Variants in RIMS2 observed in about 807,000 individuals in gnomAD.
RIMS2 encodes the protein regulating synaptic membrane exocytosis protein 2.
Under a neutral mutation model 174.4 loss-of-function variants are expected in RIMS2, and 59 were observed. The ratio of observed to expected loss-of-function variants is 0.34; its 90% CI spans 0.27 to 0.42. The LOEUF (loss-of-function observed/expected upper bound fraction) is 0.42, where lower values mean the gene tolerates loss of function less well. RIMS2 is among the 10% of genes least tolerant of loss of function. RIMS2 has a pLI of 1.00. For missense variants in RIMS2, 1,620 were observed against 1,666.3 expected (o/e 0.97, Z 0.48); for synonymous variants, 606 against 572.5 (o/e 1.06, Z -0.84).
intron 3 of RIMS2, among the ~76,000 whole-genome samples, chr8:103,789,642 A>G (rs1278161344): frequency 6.6e-6 from 1 of 151,966 alleles, no homozygotes; most frequent in Non-Finnish European, 1.5e-5. Context: ...AATTCTGCTC[A>G]CTTCAGATTG....
chr8:104,189,669 GTC>G (rs1039253174), intron 19 of RIMS2, among the ~76,000 whole-genome samples: 14 of 148,500 alleles, frequency 9.4e-5, no homozygotes, highest in Admixed American at 4.1e-4. Flanking sequence ...TGTATATATA[GTC>G]TCTCTATATA....
At chr8:103,724,019 C>T (rs1239113949) in intron 2 of RIMS2, among the ~76,000 whole-genome samples, 3 of 152,056 alleles carry the variant, frequency 2.0e-5, no homozygotes, top group Non-Finnish European at 4.4e-5. Context: ...CTGGGGTACC[C>T]ACTGAAGTCA....
At chr8:103,903,737 C>T (rs2073755939) in intron 4 of RIMS2, among the ~76,000 whole-genome samples, 1 of 151,986 alleles carries the variant, frequency 6.6e-6, no homozygotes, top group Non-Finnish European at 1.5e-5. Context: ...AAGCATTGAC[C>T]CTTCTCTACA....
intron 3 of RIMS2, among the ~76,000 whole-genome samples, chr8:103,802,839 A>C (rs1362616220): frequency 6.6e-6 from 1 of 152,190 alleles, no homozygotes; most frequent in African/African-American, 2.4e-5. Context: ...AGGTCATACA[A>C]GGTCTAGTCA....
chr8:103,759,654 G>A lies in RIMS2; in HGVS notation c.388-6573G>A, dbSNP rs903612361. On this transcript the variant is annotated intron_variant, in intron 2 of 23. Coordinates refer to ENST00000504942, the Ensembl canonical transcript of RIMS2. ...TTCCAGAACTGTCCTTTGTTCTAGT[G>A]TGGCATGAGCATAACTACATGTCCC... is the stretch of plus-strand genomic sequence containing the variant. 3.9e-5 allele frequency among the ~76,000 whole-genome samples: 6 copies of A among 151,920 alleles called. No homozygotes were observed. The East Asian group carries it at 9.6e-4, about 24-fold the overall frequency.
At position 104,228,963 on chromosome 8, in the gene RIMS2, C is replaced by G. The variant is rs143346412; in HGVS notation, c.3335-15953C>G. Among the ~76,000 whole-genome samples, 693 of 152,272 alleles carry G rather than the reference C, an allele frequency of 4.6e-3. 9 individuals carry two copies. The highest frequency in any genetic ancestry group is 0.016 in the African/African-American group (651 of 41,572). The stretch of plus-strand genomic sequence containing the variant: ...TCCACTCAATGCCTATCAAATATTA[C>G]CTTTTTCATATAAGATTCAGAATCT... On this transcript the variant is annotated intron_variant, in intron 19 of 23. Transcript: ENST00000504942.
At chr8:103,661,978 T>C (rs1012985013) in intron 1 of RIMS2, among the ~76,000 whole-genome samples, 3 of 152,200 alleles carry the variant, frequency 2.0e-5, no homozygotes, top group Non-Finnish European at 4.4e-5. Flanking sequence ...AGAATGATAT[T>C]GAGAATGATA....
At chr8:103,941,410 C>CTA (rs2082497437) in intron 13 of RIMS2, among the ~76,000 whole-genome samples, 1 of 152,106 alleles carries the variant, frequency 6.6e-6, no homozygotes, top group Non-Finnish European at 1.5e-5. Flanking sequence ...TTGCTTTACC[C>CTA]TAGGAGTTTG....
chr8:103,757,127 T>C (rs1056542154), intron 2 of RIMS2, among the ~76,000 whole-genome samples: 1 of 151,972 alleles, frequency 6.6e-6, no homozygotes, highest in Non-Finnish European at 1.5e-5. Flanking sequence ...AATCCTTAGA[T>C]CATTTCCTAC....
chr8:103,662,502 T>C (rs1373782587), intron 1 of RIMS2, among the ~76,000 whole-genome samples: 1 of 152,164 alleles, frequency 6.6e-6, no homozygotes, highest in South Asian at 2.1e-4. Flanking sequence ...TTCAAAGAAG[T>C]ACTTTTTTTG....
chr8:104,228,255 C>G (rs1468163500), intron 19 of RIMS2, among the ~76,000 whole-genome samples: 1 of 152,010 alleles, frequency 6.6e-6, no homozygotes, highest in African/African-American at 2.4e-5. Flanking sequence ...GTCTCAATCT[C>G]CTGACCTCGT....
intron 1 of RIMS2, among the ~76,000 whole-genome samples, chr8:103,606,372 G>A (rs527236834): frequency 8.6e-5 from 13 of 151,498 alleles, no homozygotes; most frequent in Non-Finnish European, 1.9e-4. Flanking sequence ...GAGATAGTTT[G>A]TTATAATCTC....
chr8:104,152,580 A>T (rs2098696283), intron 19 of RIMS2, among the ~76,000 whole-genome samples: 1 of 152,122 alleles, frequency 6.6e-6, no homozygotes, highest in African/African-American at 2.4e-5. Flanking sequence ...TATTTGAAAC[A>T]AATCTTCAAA....
At chr8:103,977,663 G>T (rs1329926593) in intron 16 of RIMS2, among the ~76,000 whole-genome samples, 2 of 152,134 alleles carry the variant, frequency 1.3e-5, no homozygotes, top group African/African-American at 4.8e-5. Context: ...TAAAGGCTCA[G>T]TCCCACAAGG....
exon 6 of RIMS2, chr8:103,912,121 T>C (rs758720710): frequency 1.4e-5 from 22 of 1,607,740 alleles, no homozygotes; most frequent in Non-Finnish European, 1.9e-5. Flanking sequence ...TAAATAAGCG[T>C]CTAAAAGATG....
At chr8:104,087,770 G>A (rs2097562455) in intron 19 of RIMS2, among the ~76,000 whole-genome samples, 1 of 152,122 alleles carries the variant, frequency 6.6e-6, no homozygotes, top group Admixed American at 6.6e-5. Context: ...GAGGCCATCA[G>A]GCCTGAGGAC....
intron 19 of RIMS2, among the ~76,000 whole-genome samples, chr8:104,172,703 C>T (rs1220284180): frequency 4.6e-5 from 7 of 151,974 alleles, no homozygotes; most frequent in Non-Finnish European, 1.0e-4. Flanking sequence ...ACATTTATAC[C>T]TCAAAATGAG....
chr8:104,041,165 G>T (rs574779090), intron 19 of RIMS2, among the ~76,000 whole-genome samples, 161 bp from the exon 22 acceptor site: 1 of 151,628 alleles, frequency 6.6e-6, no homozygotes, highest in South Asian at 2.1e-4. Flanking sequence ...CGTATTTTTT[G>T]TGGAATGCAT....
intron 19 of RIMS2, among the ~76,000 whole-genome samples, chr8:104,102,432 T>C (rs979933528): frequency 6.6e-6 from 1 of 152,216 alleles, no homozygotes; most frequent in African/African-American, 2.4e-5. Context: ...AATATGTTTA[T>C]TTCTCCATAA....
Sources: allele counts gnomAD v4.1 joint callset (sites outside exome capture counted in the v4.1 genomes callset), GRCh38; gene constraint gnomAD v4.1.1; transcripts MANE v1.5; gene names NCBI Gene and HGNC (gene_info 2026-07-23, HGNC 2026-07-21).